Variants in FAM184B observed in about 807,000 individuals in gnomAD.
FAM184B encodes the protein family with sequence similarity 184 member B.
Under a neutral mutation model 135.9 loss-of-function variants are expected in FAM184B, and 111 were observed. The ratio of observed to expected loss-of-function variants is 0.82; its 90% CI spans 0.70 to 0.96. The LOEUF (loss-of-function observed/expected upper bound fraction) is 0.96, where lower values mean the gene tolerates loss of function less well. Among genes scored for constraint, FAM184B ranks in the 40% least tolerant of loss-of-function variants. The pLI is 0.00. For synonymous variants in FAM184B, 552 were observed against 524.8 expected (o/e 1.05, Z -0.71); for missense variants, 1,375 against 1,323.9 (o/e 1.04, Z -0.60).
intron 1 of FAM184B, among the ~76,000 whole-genome samples, chr4:17,762,991 G>A (rs1407426408): frequency 6.6e-6 from 1 of 152,144 alleles, no homozygotes; most frequent in South Asian, 2.1e-4. Context: ...GAACAGCTCT[G>A]CTACTACACA....
chr4:17,671,261 T>A (rs1558379), intron 7 of FAM184B, among the ~76,000 whole-genome samples: 2 of 151,968 alleles, frequency 1.3e-5, no homozygotes, highest in Non-Finnish European at 2.9e-5. Context: ...AGGAGTTAAT[T>A]GGCATGTCTA....
chr4:17,763,922 C>T (rs1718600206), intron 1 of FAM184B, among the ~76,000 whole-genome samples: 1 of 152,078 alleles, frequency 6.6e-6, no homozygotes, highest in South Asian at 2.1e-4. Flanking sequence ...TTGGATCTAG[C>T]TTGGCCTTAC....
rs536090592 is a variant in FAM184B, at chr4:17,716,579, C to G, written c.142-6935G>C. Among the ~76,000 whole-genome samples the G allele has an allele frequency of 2.0e-5, 3 of 152,226 alleles. No individual in the cohort carries two copies. In the South Asian group the frequency reaches 6.2e-4, roughly 32 times the overall value. ...CAGGTTGGTCTCGAACTCCTGGGCT[C>G]AAGTCATCTGCTCGCCTCAGCCTCC... On this transcript the variant is annotated intron_variant, in intron 1 of 17. Transcript: ENST00000265018.
intron 7 of FAM184B, among the ~76,000 whole-genome samples, chr4:17,678,937 C>T (rs577348005): frequency 6.6e-6 from 1 of 152,128 alleles, no homozygotes; most frequent in African/African-American, 2.4e-5. Flanking sequence ...GAAAGGACAC[C>T]CTATTCAACA....
chr4:17,684,068 A>C (rs1239983887), intron 7 of FAM184B, among the ~76,000 whole-genome samples: 1 of 88,378 alleles, frequency 1.1e-5, no homozygotes, highest in African/African-American at 4.5e-5. Context: ...ACCCAGTCTC[A>C]AGAATAATAA....
intron 1 of FAM184B, among the ~76,000 whole-genome samples, chr4:17,778,565 A>G (rs1718975074): frequency 6.6e-6 from 1 of 152,260 alleles, no homozygotes; most frequent in African/African-American, 2.4e-5. Flanking sequence ...TTTAAATTTA[A>G]GAAGTAAAAA....
chr4:17,723,030 C>T (rs1211582158), intron 1 of FAM184B, among the ~76,000 whole-genome samples: 8 of 152,178 alleles, frequency 5.3e-5, no homozygotes, highest in African/African-American at 1.9e-4. Flanking sequence ...GCCAATTTTA[C>T]ATATTTAAAT....
chr4:17,673,743 A>G (rs766373484), intron 7 of FAM184B, among the ~76,000 whole-genome samples: 1 of 152,130 alleles, frequency 6.6e-6, no homozygotes, highest in African/African-American at 2.4e-5. Context: ...GAAGGACACA[A>G]TGGACTTTGG....
At chr4:17,759,758 A>T (rs1000038647) in intron 1 of FAM184B, among the ~76,000 whole-genome samples, 22 of 152,122 alleles carry the variant, frequency 1.4e-4, no homozygotes, top group Admixed American at 4.6e-4. Flanking sequence ...AGCCTCCCAA[A>T]GTACTGGGTT....
intron 14 of FAM184B, among the ~76,000 whole-genome samples, chr4:17,638,522 G>A (rs112818237): frequency 0.018 from 2,729 of 152,110 alleles, 77 homozygotes; most frequent in African/African-American, 0.062. Context: ...TTTCTTATCC[G>A]AATTCTCAGC....
chr4:17,739,771 G>A (rs1382103498), intron 1 of FAM184B, among the ~76,000 whole-genome samples: 2 of 151,662 alleles, frequency 1.3e-5, no homozygotes, highest in Admixed American at 1.3e-4. Flanking sequence ...GGCCAGGCTG[G>A]TCTCGAACTC....
intron 1 of FAM184B, among the ~76,000 whole-genome samples, chr4:17,734,523 T>C (rs952978802): frequency 2.0e-5 from 3 of 152,162 alleles, no homozygotes; most frequent in African/African-American, 7.2e-5. Context: ...GGGCAAAGGA[T>C]ATGAACAGAC....
Position 17,688,538 on chromosome 4 carries a change from C to G in FAM184B, c.1489-7G>C. On this transcript the variant is annotated splice_polypyrimidine_tract_variant and splice_region_variant and intron_variant, in intron 6 of 17. Transcript: ENST00000265018. Reference sequence around the variant, plus strand: ...ATTCTTCCAGCCTTAAAACCTAAAACAGGAGATAAGAAACACCACACAATG... The same window carrying G: ...ATTCTTCCAGCCTTAAAACCTAAAAGAGGAGATAAGAAACACCACACAATG... 1 of 1,542,592 alleles carries G rather than the reference C, an allele frequency of 6.5e-7. No individual in the cohort carries two copies. The highest frequency in any genetic ancestry group is 8.7e-7 in the Non-Finnish European group (1 of 1,143,058).
intron 1 of FAM184B, among the ~76,000 whole-genome samples, chr4:17,744,490 C>CACCACA (rs1553841920): frequency 5.7e-4 from 78 of 137,474 alleles, no homozygotes; most frequent in African/African-American, 2.1e-3. Flanking sequence ...CACACACACA[C>CACCACA]CACACACACA....
chr4:17,781,146 C>T lies in FAM184B; in HGVS notation c.141+13G>A, dbSNP rs1016563332. On this transcript the variant is annotated intron_variant, in intron 1 of 17. Transcript: ENST00000265018. This position sits in a 1 kb window ranked among gnomAD's most constrained non-coding sequence, Gnocchi z 6.5. ...GGGCGTGCAGCTCGCTGGCCCGCTGCGCCCCACCTTACCTTGGTGAGCTGG... is the reference window on the plus strand; with the variant it reads ...GGGCGTGCAGCTCGCTGGCCCGCTGTGCCCCACCTTACCTTGGTGAGCTGG... 1 of 1,530,448 alleles carries T rather than the reference C, an allele frequency of 6.5e-7. No individual in the cohort carries two copies. 94.8% of individuals were successfully genotyped at this position (1,530,448 alleles called of 1,614,324 possible).
At chr4:17,695,671 G>A (rs1716839422) in intron 5 of FAM184B, among the ~76,000 whole-genome samples, 1 of 140,494 alleles carries the variant, frequency 7.1e-6, no homozygotes. Context: ...TGAAAGGAGA[G>A]GTCAGGATGA....
intron 1 of FAM184B, among the ~76,000 whole-genome samples, chr4:17,765,241 T>TAA (rs1230881919): frequency 6.6e-6 from 1 of 152,168 alleles, no homozygotes; most frequent in Non-Finnish European, 1.5e-5. Context: ...ATTGTCTTTT[T>TAA]AATCACTACA....
chr4:17,734,083 G>C (rs370995466), intron 1 of FAM184B, among the ~76,000 whole-genome samples: 3 of 152,156 alleles, frequency 2.0e-5, no homozygotes, highest in Admixed American at 6.6e-5. Context: ...AATGGGGAAA[G>C]GATTCCCTAT....
intron 17 of FAM184B, 113 bp from the exon 18 acceptor site, chr4:17,632,738 C>A: frequency 1.4e-6 from 1 of 693,348 alleles, no homozygotes; most frequent in Non-Finnish European, 2.4e-6. Context: ...TCAAAAACAC[C>A]CAAATGGGAC....
Sources: gnomAD v4.1 joint callset for allele counts (sites outside exome capture counted in the v4.1 genomes callset) on GRCh38, gnomAD v4.1.1 for gene constraint, Gnocchi (gnomAD v3.1) non-coding constraint, MANE v1.5 for transcripts, NCBI Gene and HGNC (gene_info 2026-07-23, HGNC 2026-07-21) for gene names.